NXN: variants seen among roughly 807,000 people sequenced by gnomAD.
NXN encodes nucleoredoxin, also known as nucleoredoxin 1.
A neutral mutation model predicts 48.6 loss-of-function variants in NXN; 16 were observed. That is an observed-to-expected ratio of 0.33 (90% CI 0.22 to 0.50). The LOEUF (loss-of-function observed/expected upper bound fraction) is 0.50, where lower values mean the gene tolerates loss of function less well. NXN is among the 20% of genes least tolerant of loss of function. The pLI is 0.98. For synonymous variants in NXN, 281 were observed against 269.6 expected, an observed-to-expected ratio of 1.04 and a Z score of -0.41; for missense variants, 492 against 605.5, an observed-to-expected ratio of 0.81 and a Z score of 1.97.
intron 5 of NXN, among the ~76,000 whole-genome samples, chr17:807,473 G>C (rs1911628462): frequency 6.6e-6 from 1 of 152,174 alleles, no homozygotes; most frequent in Non-Finnish European, 1.5e-5. Flanking sequence ...TCAGCGCCTG[G>C]GGCTCTCCGA....
At chr17:804,438 A>G (rs1911378956) in intron 6 of NXN, among the ~76,000 whole-genome samples, 1 of 151,968 alleles carries the variant, frequency 6.6e-6, no homozygotes, top group African/African-American at 2.4e-5. Flanking sequence ...GTGAGCCACC[A>G]CACCCAGGCT....
chr17:851,689 T>A (rs1296464127), intron 1 of NXN, among the ~76,000 whole-genome samples: 1 of 152,228 alleles, frequency 6.6e-6, no homozygotes, highest in Non-Finnish European at 1.5e-5. Context: ...ACTCCGATGC[T>A]TATTTACTTA....
intron 5 of NXN, among the ~76,000 whole-genome samples, chr17:806,920 A>G (rs1404693602): frequency 4.9e-5 from 6 of 121,466 alleles, no homozygotes; most frequent in Non-Finnish European, 9.4e-5. Flanking sequence ...ACACACTCAC[A>G]TACACACACA....
intron 5 of NXN, chr17:819,080 G>A: frequency 9.3e-6 from 3 of 322,516 alleles, no homozygotes; most frequent in South Asian, 7.3e-5. Context: ...CTGAGTAGCT[G>A]GTACTACAGG....
intron 1 of NXN, among the ~76,000 whole-genome samples, chr17:922,062 T>C (rs1228247206): frequency 6.6e-6 from 1 of 152,222 alleles, no homozygotes; most frequent in Admixed American, 6.5e-5. Context: ...AAGGGCCTCA[T>C]TCTAAGAAAC....
rs1217400835 is a variant in NXN, at chr17:979,744, G to GCGGCGGCGT, written c.-75_-67dup. ...TCCACGGTCCGCGCGGCGGGAGGAG[G>GCGGCGGCGT]CGGCGGCGTCGGCGGCAGGCGCTGG... On this transcript the variant is annotated 5_prime_UTR_variant, in exon 1 of 8. Coordinates refer to ENST00000336868, the MANE Select transcript of NXN (RefSeq NM_022463.5). 1 of 1,237,268 alleles carries GCGGCGGCGT rather than the reference G, an allele frequency of 8.1e-7. No individual in the cohort carries two copies. The highest frequency in any genetic ancestry group is 1.0e-6 in the Non-Finnish European group (1 of 981,296). 76.6% of individuals were successfully genotyped at this position (1,237,268 alleles called of 1,614,324 possible).
chr17:891,667 C>T (rs762850035), intron 1 of NXN, among the ~76,000 whole-genome samples: 2 of 148,702 alleles, frequency 1.3e-5, no homozygotes, highest in Admixed American at 6.9e-5. Context: ...AGAGACTGTA[C>T]TTAGTTGGGG....
At chr17:802,545 G>A (rs923450926) in intron 7 of NXN, among the ~76,000 whole-genome samples, 4 of 152,234 alleles carry the variant, frequency 2.6e-5, no homozygotes, top group African/African-American at 7.2e-5. Flanking sequence ...CCCCGCCCGT[G>A]CCCGGCCCCT....
At chr17:953,046 G>A (rs1338742493) in intron 1 of NXN, among the ~76,000 whole-genome samples, 1 of 152,128 alleles carries the variant, frequency 6.6e-6, no homozygotes, top group Non-Finnish European at 1.5e-5. Context: ...ACTTCAAGGT[G>A]GTCCCTGGAA....
chr17:893,022 A>T (rs2068439735), intron 1 of NXN, among the ~76,000 whole-genome samples: 1 of 152,252 alleles, frequency 6.6e-6, no homozygotes, highest in Non-Finnish European at 1.5e-5. Flanking sequence ...AGTTTTTCTG[A>T]AAACCTAAAA....
chr17:805,023 C>CCCCCCCCCCCCCCCCCACCCACCCCA, intron 6 of NXN, 45 bp downstream of exon 6: 1 of 1,505,618 alleles, frequency 6.6e-7, no homozygotes, highest in Non-Finnish European at 9.0e-7. Context: ...CCTCCTGTCC[C>CCCCCCCCCCCCCCCCCACCCACCCCA]GCCCCCCAGC....
intron 4 of NXN, among the ~76,000 whole-genome samples, chr17:822,085 C>T (rs145897127): frequency 5.3e-4 from 81 of 152,150 alleles, no homozygotes; most frequent in African/African-American, 1.9e-3. Context: ...TTGAGACCAG[C>T]CTGGCCAACA....
intron 7 of NXN, 152 bp downstream of exon 7, chr17:803,530 C>T: frequency 1.1e-6 from 1 of 949,192 alleles, no homozygotes; most frequent in South Asian, 1.6e-5. Context: ...CGAATGGCTA[C>T]CTTTCCTTGC....
intron 1 of NXN, among the ~76,000 whole-genome samples, chr17:900,583 T>A (rs1200642740): frequency 6.6e-6 from 1 of 152,092 alleles, no homozygotes; most frequent in East Asian, 1.9e-4. Context: ...GGTGGTGAGT[T>A]TATTTACAAG....
intron 1 of NXN, chr17:878,287 GATGTGTCTGGGGAC>G (rs1460912282): frequency 1.3e-5 from 2 of 151,414 alleles, no homozygotes; most frequent in East Asian, 3.9e-4. Context: ...GGCAATGGGC[GATGTGTCTGGGGAC>G]CCTGGGGGTC....
At chr17:927,039 T>A (rs538464959) in intron 1 of NXN, among the ~76,000 whole-genome samples, 1 of 151,660 alleles carries the variant, frequency 6.6e-6, no homozygotes, top group Non-Finnish European at 1.5e-5. Flanking sequence ...TAAGGCCAGG[T>A]GCGGTGGCTC....
intron 1 of NXN, among the ~76,000 whole-genome samples, chr17:947,258 G>A (rs551677639): frequency 1.6e-4 from 24 of 152,288 alleles, no homozygotes; most frequent in East Asian, 9.6e-4. Flanking sequence ...TGACGGGGAC[G>A]CGCAGGTGCT....
At chr17:819,599 C>T in intron 4 of NXN, 54 bp from the exon 5 acceptor site, 1 of 1,248,612 alleles carries the variant, frequency 8.0e-7, no homozygotes, top group Non-Finnish European at 1.1e-6. Flanking sequence ...TGCACCAACG[C>T]TGAATCCTCC....
intron 1 of NXN, among the ~76,000 whole-genome samples, chr17:903,067 GCCTCC>G (rs1459970075): frequency 6.7e-6 from 1 of 148,244 alleles, no homozygotes. Flanking sequence ...ACCGCACCCA[GCCTCC>G]CCTCCCATCA....
Sources: allele counts gnomAD v4.1 joint callset (sites outside exome capture counted in the v4.1 genomes callset), GRCh38; gene constraint gnomAD v4.1.1; transcripts MANE v1.5; gene names NCBI Gene and HGNC (gene_info 2026-07-23, HGNC 2026-07-21).